The following STX6 variants were observed in gnomAD, a reference collection of about 807,000 sequenced individuals.
STX6 encodes syntaxin 6.
Under a neutral mutation model 38.0 loss-of-function variants are expected in STX6, and 23 were observed. That is an observed-to-expected ratio of 0.60 (90% CI 0.43 to 0.86). STX6 has a LOEUF of 0.86. Among genes scored for constraint, STX6 ranks in the 40% least tolerant of loss-of-function variants. The probability of loss-of-function intolerance (pLI) is 0.00; values close to 1 mark genes in which losing one functional copy is unlikely to be tolerated. For missense variants in STX6, 274 were observed against 312.9 expected, an observed-to-expected ratio of 0.88 and a Z score of 0.94; for synonymous variants, 123 against 107.5, an observed-to-expected ratio of 1.14 and a Z score of -0.89.
At chr1:180,994,877 T>C (rs1051243780) in intron 3 of STX6, among the ~76,000 whole-genome samples, 1 of 152,216 alleles carries the variant, frequency 6.6e-6, no homozygotes, top group Non-Finnish European at 1.5e-5. Context: ...ATTACCTTCA[T>C]TTGATCATTA....
intron 7 of STX6, among the ~76,000 whole-genome samples, chr1:180,979,361 TG>T (rs1425221191): frequency 6.6e-6 from 1 of 152,192 alleles, no homozygotes; most frequent in Non-Finnish European, 1.5e-5. Flanking sequence ...AGCAGATCAA[TG>T]GAACAGACAG....
At chr1:180,997,098 T>C (rs1027926401) in intron 3 of STX6, among the ~76,000 whole-genome samples, 3 of 152,236 alleles carry the variant, frequency 2.0e-5, no homozygotes, top group African/African-American at 7.2e-5. Context: ...AAGACTTAGT[T>C]ATGCTTTTTA....
intron 1 of STX6, among the ~76,000 whole-genome samples, chr1:181,010,186 A>C (rs1379222792): frequency 3.3e-5 from 5 of 152,348 alleles, no homozygotes; most frequent in African/African-American, 4.8e-5. Flanking sequence ...ATTTCACAGA[A>C]GTGTACACCA....
At chr1:181,013,012 C>G (rs1047904555) in intron 1 of STX6, among the ~76,000 whole-genome samples, 10 of 152,056 alleles carry the variant, frequency 6.6e-5, no homozygotes, top group African/African-American at 2.2e-4. Context: ...TTGATTCTGG[C>G]AAACCAACCT....
At chr1:181,003,797 A>T (rs1028054474) in intron 2 of STX6, among the ~76,000 whole-genome samples, 1 of 152,216 alleles carries the variant, frequency 6.6e-6, no homozygotes, top group South Asian at 2.1e-4. Context: ...AAGGCTATAT[A>T]ATGAAGTTTT....
chr1:181,002,161 ATTTC>A (rs773437540), intron 3 of STX6, among the ~76,000 whole-genome samples: 3 of 151,792 alleles, frequency 2.0e-5, no homozygotes, highest in Non-Finnish European at 2.9e-5. Context: ...TTAAAAACAG[ATTTC>A]TTTTTCTTCA....
intron 6 of STX6, 65 bp downstream of exon 6, chr1:180,988,174 G>C (rs1571331359): frequency 8.7e-7 from 1 of 1,143,918 alleles, no homozygotes; most frequent in Non-Finnish European, 1.3e-6. Context: ...AGGCTTTTTA[G>C]GGGTGTCATA....
At chr1:181,009,470 C>CAAAAAAAAAAAAAAAAAAAA (rs34469966) in intron 1 of STX6, among the ~76,000 whole-genome samples, 1 of 105,434 alleles carries the variant, frequency 9.5e-6, no homozygotes, top group Non-Finnish European at 1.9e-5. Context: ...CTGTTGTTTC[C>CAAAAAAAAAAAAAAAAAAAA]AAAAAAAAAA....
chr1:181,022,848 C>G lies in STX6; in HGVS notation c.-175G>C. The G allele has an allele frequency of 3.3e-6, 2 of 604,138 alleles. No homozygotes were observed. Among genetic ancestry groups the G allele is most frequent in the Non-Finnish European group, 2.9e-6 (1 of 350,422 alleles). The allele number at this position is 604,138 out of a possible 1,614,324, so 37.4% of individuals were successfully genotyped here. A position where few individuals can be genotyped will look rare whatever the true frequency, so the allele number is the denominator to read the frequency against. On this transcript the variant is annotated 5_prime_UTR_variant, in exon 1 of 8. Coordinates refer to ENST00000258301, the MANE Select transcript of STX6 (RefSeq NM_005819.6). ...ACAGGACGGCCGCTGGTCCAGCACT[C>G]GCTCAGCACCACTGGCCGAATCCCG...
At chr1:181,004,368 C>T (rs1289674239) in intron 2 of STX6, among the ~76,000 whole-genome samples, 1 of 152,194 alleles carries the variant, frequency 6.6e-6, no homozygotes, top group African/African-American at 2.4e-5. Flanking sequence ...GGGGCTGGTC[C>T]CCAGAGAAAC....
At chr1:180,995,349 C>T (rs747875655) in intron 3 of STX6, among the ~76,000 whole-genome samples, 64 of 152,158 alleles carry the variant, frequency 4.2e-4, no homozygotes, top group Non-Finnish European at 7.5e-4. Context: ...AAGCCCCCTC[C>T]CCATCCCCAT....
chr1:180,997,921 A>G (rs1305816997), intron 3 of STX6, among the ~76,000 whole-genome samples: 1 of 152,230 alleles, frequency 6.6e-6, no homozygotes, highest in Non-Finnish European at 1.5e-5. Flanking sequence ...GAGAACGAAG[A>G]GGCATTTTCT....
intron 2 of STX6, 71 bp downstream of exon 2, chr1:181,005,222 GA>G: frequency 6.5e-7 from 1 of 1,546,758 alleles, no homozygotes; most frequent in Non-Finnish European, 8.7e-7. Flanking sequence ...CTACATACTG[GA>G]AACAACTGGA....
chr1:180,990,133 G>T, intron 4 of STX6, 24 bp from the exon 5 acceptor site: 1 of 1,613,538 alleles, frequency 6.2e-7, no homozygotes, highest in Non-Finnish European at 8.5e-7. Flanking sequence ...ACAACCAGAG[G>T]AGTCAGGAGA....
At chr1:181,005,158 A>G (rs1656189242) in intron 2 of STX6, 136 bp downstream of exon 2, 2 of 1,472,862 alleles carry the variant, frequency 1.4e-6, no homozygotes, top group Non-Finnish European at 1.8e-6. Flanking sequence ...TACTTTAAAC[A>G]TGTCATGGTA....
chr1:180,999,661 G>GAA (rs35223208), intron 3 of STX6, among the ~76,000 whole-genome samples: 46,947 of 149,246 alleles, frequency 0.31, 7,680 homozygotes, highest in Non-Finnish European at 0.36. Context: ...AGCAAATAAA[G>GAA]AAAAAAAAAA....
In STX6 at chr1:181,022,772, C is replaced by A. The variant is rs1279123505; in HGVS notation, c.-99G>T. The A allele has an allele frequency of 5.8e-5, 75 of 1,291,286 alleles. No homozygotes were observed. The East Asian group carries it at 1.9e-3, about 32-fold the overall frequency. 80.0% of individuals were successfully genotyped at this position (1,291,286 alleles called of 1,614,324 possible). A position where few individuals can be genotyped will look rare whatever the true frequency, so the allele number is the denominator to read the frequency against. On this transcript the variant is annotated 5_prime_UTR_variant, in exon 1 of 8. Coordinates refer to ENST00000258301, the MANE Select transcript of STX6 (RefSeq NM_005819.6). ...CCCCGCCTGTTCCCGCAGCTGCCCG[C>A]GCCTTAGTCTGGGTGAAGCCGAGCA... is the stretch of plus-strand genomic sequence containing the variant.
intron 3 of STX6, among the ~76,000 whole-genome samples, chr1:181,001,093 G>A (rs1189093575): frequency 1.3e-5 from 2 of 152,108 alleles, no homozygotes; most frequent in African/African-American, 2.4e-5. Flanking sequence ...AACAATTTAC[G>A]TATATGTATA....
chr1:180,998,252 G>A (rs1307485440), intron 3 of STX6, among the ~76,000 whole-genome samples: 1 of 152,194 alleles, frequency 6.6e-6, no homozygotes, highest in Non-Finnish European at 1.5e-5. Flanking sequence ...AACCATGTGG[G>A]GTTATGTGTG....
Sources: allele counts gnomAD v4.1 joint callset (sites outside exome capture counted in the v4.1 genomes callset), GRCh38; gene constraint gnomAD v4.1.1; transcripts MANE v1.5; gene names NCBI Gene and HGNC (gene_info 2026-07-23, HGNC 2026-07-21).